Variants in STARD13 observed in about 807,000 individuals in gnomAD.
The protein encoded by STARD13 is stAR-related lipid transfer protein 13.
STARD13 carries 62 observed loss-of-function variants against 106.4 expected under a neutral mutation model. The ratio of observed to expected loss-of-function variants is 0.58; its 90% CI spans 0.48 to 0.72. The LOEUF (loss-of-function observed/expected upper bound fraction) is 0.72, where lower values mean the gene tolerates loss of function less well. STARD13 is among the 30% of genes least tolerant of loss of function. The probability of loss-of-function intolerance (pLI) is 0.00; values close to 1 mark genes in which losing one functional copy is unlikely to be tolerated. For synonymous variants in STARD13, 565 were observed against 553.0 expected, an observed-to-expected ratio of 1.02 and a Z score of -0.31; for missense variants, 1,387 against 1,424.0, an observed-to-expected ratio of 0.97 and a Z score of 0.42.
chr13:33,530,694 TATA>T, the STARD13 span, among the ~76,000 whole-genome samples: 1 of 152,222 alleles, frequency 6.6e-6, no homozygotes, highest in Non-Finnish European at 1.5e-5. Flanking sequence ...TCAAGAGGTA[TATA>T]ATGTCTGGCT....
At chr13:33,359,091 A>T in the STARD13 span, among the ~76,000 whole-genome samples, 1 of 152,322 alleles carries the variant, frequency 6.6e-6, no homozygotes, top group African/African-American at 2.4e-5. Flanking sequence ...TAAAAGCAGG[A>T]TGCCCCAGCC....
intron 1 of STARD13, among the ~76,000 whole-genome samples, chr13:33,265,465 G>A (rs896219722): frequency 3.3e-5 from 5 of 152,090 alleles, no homozygotes; most frequent in African/African-American, 4.8e-5. Context: ...TAATCTTGGG[G>A]TTTACAGCTA....
intron 1 of STARD13, among the ~76,000 whole-genome samples, chr13:33,219,036 T>A (rs1198923793): frequency 1.3e-5 from 2 of 152,178 alleles, no homozygotes; most frequent in African/African-American, 2.4e-5. Flanking sequence ...TTTCTAATTT[T>A]AAAAATATAA....
At chr13:33,616,123 GGAAA>G in the STARD13 span, among the ~76,000 whole-genome samples, 1 of 150,988 alleles carries the variant, frequency 6.6e-6, no homozygotes, top group Non-Finnish European at 1.5e-5. Flanking sequence ...AGAAAAAGGA[GGAAA>G]GGAAGGAAGA....
the STARD13 span, among the ~76,000 whole-genome samples, chr13:33,405,155 GCCT>G: frequency 2.0e-5 from 3 of 152,104 alleles, no homozygotes; most frequent in African/African-American, 7.2e-5. Flanking sequence ...CACAATCCCC[GCCT>G]CCTCCTTAAG....
the STARD13 span, among the ~76,000 whole-genome samples, chr13:33,435,671 G>A: frequency 6.6e-6 from 1 of 152,134 alleles, no homozygotes; most frequent in African/African-American, 2.4e-5. Context: ...TGGTTTCACT[G>A]GAAAAATCTA....
chr13:33,622,049 C>G, the STARD13 span, among the ~76,000 whole-genome samples: 1 of 152,020 alleles, frequency 6.6e-6, no homozygotes, highest in Admixed American at 6.5e-5. Context: ...AGGTGATCCA[C>G]CCGCCTTAGC....
At chr13:33,446,342 A>G in the STARD13 span, among the ~76,000 whole-genome samples, 72,382 of 151,810 alleles carry the variant, frequency 0.48, 17,398 homozygotes, top group African/African-American at 0.52. Flanking sequence ...AGAAAAGGCC[A>G]TACTGACTCT....
chr13:33,370,793 TG>T, the STARD13 span, among the ~76,000 whole-genome samples: 1 of 151,844 alleles, frequency 6.6e-6, no homozygotes, highest in African/African-American at 2.4e-5. Context: ...TGATTTTTTT[TG>T]TATTTTTAGT....
At chr13:33,274,541 C>T (rs761178403) in intron 1 of STARD13, among the ~76,000 whole-genome samples, 1 of 152,160 alleles carries the variant, frequency 6.6e-6, no homozygotes, top group Non-Finnish European at 1.5e-5. Context: ...CAAAGCATTA[C>T]CATGTTTTAT....
the STARD13 span, among the ~76,000 whole-genome samples, chr13:33,600,578 T>C: frequency 6.6e-6 from 1 of 152,216 alleles, no homozygotes; most frequent in Admixed American, 6.5e-5. Flanking sequence ...TTTGTGAATC[T>C]TGGTGAAAGG....
At chr13:33,430,800 T>A in the STARD13 span, among the ~76,000 whole-genome samples, 1 of 152,102 alleles carries the variant, frequency 6.6e-6, no homozygotes, top group Non-Finnish European at 1.5e-5. Flanking sequence ...TTAGTTTAAG[T>A]GAAATAAGCC....
At chr13:33,308,396 G>T (rs924252508) in intron 1 of STARD13, among the ~76,000 whole-genome samples, 1 of 151,928 alleles carries the variant, frequency 6.6e-6, no homozygotes, top group East Asian at 1.9e-4. Context: ...TGTTAGAAAA[G>T]CATCTATCAA....
chr13:33,207,184 G>A (rs1887464887), intron 1 of STARD13, among the ~76,000 whole-genome samples: 1 of 152,202 alleles, frequency 6.6e-6, no homozygotes, highest in Non-Finnish European at 1.5e-5. Context: ...AGTGCATGCT[G>A]AGGATAACAG....
the STARD13 span, among the ~76,000 whole-genome samples, chr13:33,465,511 T>C: frequency 6.6e-6 from 1 of 152,164 alleles, no homozygotes; most frequent in Non-Finnish European, 1.5e-5. Context: ...TGGTCTTTTC[T>C]TCCGCTTTTG....
chr13:33,325,524 T>TA (rs1209581769), intron 1 of STARD13, among the ~76,000 whole-genome samples: 6 of 152,232 alleles, frequency 3.9e-5, no homozygotes, highest in African/African-American at 1.4e-4. Context: ...AATTTTTTTT[T>TA]ATCCCCTTCC....
chr13:33,350,458 TCCCGCGTGG>T lies in STARD13; in HGVS notation c.-54_-46del. The T allele has an allele frequency of 3.3e-6, 5 of 1,508,206 alleles. No homozygotes were observed. In the East Asian group the frequency reaches 1.3e-4, roughly 39 times the overall value. The allele number at this position is 1,508,206 out of a possible 1,614,324, so 93.4% of individuals were successfully genotyped here. On this transcript the variant is annotated 5_prime_UTR_variant, in exon 1 of 2. Transcript: ENST00000439831. ...CGACCGGCGGGCTCTCCACCGCCAC[TCCCGCGTGG>T]CCCGCGACTCAGACTCCCGGCGACT...
At chr13:33,240,211 C>T (rs1247651035) in intron 1 of STARD13, among the ~76,000 whole-genome samples, 1 of 152,198 alleles carries the variant, frequency 6.6e-6, no homozygotes, top group East Asian at 1.9e-4. Context: ...AGGATTTGTT[C>T]CTTGGCTCTC....
At chr13:33,132,068 C>G (rs1370793388) in intron 4 of STARD13, among the ~76,000 whole-genome samples, 1 of 152,164 alleles carries the variant, frequency 6.6e-6, no homozygotes, top group African/African-American at 2.4e-5. Flanking sequence ...GGGGATCCTC[C>G]TATTCTTGTT....
Sources: gnomAD v4.1 joint callset for allele counts (sites outside exome capture counted in the v4.1 genomes callset) on GRCh38, gnomAD v4.1.1 for gene constraint, MANE v1.5 for transcripts, NCBI Gene and HGNC (gene_info 2026-07-23, HGNC 2026-07-21) for gene names.